MAGI2: variants seen among roughly 807,000 people sequenced by gnomAD.
The protein encoded by MAGI2 is membrane associated guanylate kinase, WW and PDZ domain containing 2.
MAGI2 carries 35 observed loss-of-function variants against 133.3 expected under a neutral mutation model. The ratio of observed to expected loss-of-function variants is 0.26; its 90% CI spans 0.20 to 0.35. The LOEUF is 0.35. Ranked by LOEUF, MAGI2 falls within the 10% of genes least tolerant of loss-of-function variation. MAGI2 has a pLI of 1.00. For missense variants in MAGI2, 1,636 were observed against 1,863.4 expected, an observed-to-expected ratio of 0.88 and a Z score of 2.25; for synonymous variants, 729 against 710.6, an observed-to-expected ratio of 1.03 and a Z score of -0.41.
chr7:79,090,375 G>A (rs1051365240), intron 1 of MAGI2, among the ~76,000 whole-genome samples: 18 of 151,988 alleles, frequency 1.2e-4, no homozygotes, highest in African/African-American at 3.1e-4. Flanking sequence ...ACCATAATTT[G>A]TAACTGGAAA....
At chr7:79,070,262 C>A (rs1359556583) in intron 1 of MAGI2, among the ~76,000 whole-genome samples, 1 of 151,974 alleles carries the variant, frequency 6.6e-6, no homozygotes, top group African/African-American at 2.4e-5. Flanking sequence ...TACATTTTGC[C>A]TTTTCACATA....
intron 2 of MAGI2, among the ~76,000 whole-genome samples, chr7:78,724,908 G>A (rs1295266820): frequency 1.3e-5 from 2 of 152,184 alleles, no homozygotes; most frequent in African/African-American, 2.4e-5. Context: ...GCCAATTGGA[G>A]AGAAGCGCTC....
intron 1 of MAGI2, among the ~76,000 whole-genome samples, chr7:79,364,587 G>C (rs1842575265): frequency 6.6e-6 from 1 of 151,976 alleles, no homozygotes; most frequent in Non-Finnish European, 1.5e-5. Flanking sequence ...TGGGTGAAGA[G>C]ATAGACATAT....
intron 4 of MAGI2, among the ~76,000 whole-genome samples, chr7:78,520,825 T>A (rs1162186454): frequency 6.6e-6 from 1 of 152,210 alleles, no homozygotes; most frequent in South Asian, 2.1e-4. Context: ...TTATTTTGCT[T>A]GTACAAGGTA....
At chr7:78,869,384 T>C (rs867497306) in intron 2 of MAGI2, among the ~76,000 whole-genome samples, 2 of 152,330 alleles carry the variant, frequency 1.3e-5, no homozygotes, top group Middle Eastern at 3.4e-3. Flanking sequence ...TTGATCCATC[T>C]TAAGTTGATT....
chr7:79,158,577 G>A (rs548990663), intron 1 of MAGI2, among the ~76,000 whole-genome samples: 4 of 151,942 alleles, frequency 2.6e-5, no homozygotes, highest in Non-Finnish European at 4.4e-5. Context: ...AAGCCCATCC[G>A]AAAACAGAAT....
intron 2 of MAGI2, among the ~76,000 whole-genome samples, chr7:78,861,209 C>T (rs190936412): frequency 1.2e-4 from 19 of 152,244 alleles, no homozygotes; most frequent in South Asian, 2.1e-4. Context: ...GGCGATGCCC[C>T]GCCCTGCTCT....
intron 10 of MAGI2, among the ~76,000 whole-genome samples, chr7:78,235,025 T>C (rs865861207): frequency 1.3e-5 from 2 of 152,216 alleles, no homozygotes; most frequent in African/African-American, 4.8e-5. Flanking sequence ...GAGACTTACT[T>C]GGCAAATTTA....
At chr7:78,130,653 G>C (rs188987384) in intron 18 of MAGI2, among the ~76,000 whole-genome samples, 119 of 152,340 alleles carry the variant, frequency 7.8e-4, no homozygotes, top group African/African-American at 2.8e-3. Flanking sequence ...CCGAGTGGCA[G>C]TAAAGGGCCC....
chr7:78,732,260 A>G (rs1465623054), intron 2 of MAGI2, among the ~76,000 whole-genome samples: 1 of 152,090 alleles, frequency 6.6e-6, no homozygotes, highest in Non-Finnish European at 1.5e-5. Flanking sequence ...AATGGCCTAT[A>G]TTTCATCACC....
rs574085103 is a variant in MAGI2, at chr7:79,198,623, C to T, written c.302-191417G>A. Among the ~76,000 whole-genome samples, 86 of 152,132 alleles carry T rather than the reference C, an allele frequency of 5.7e-4. 1 individual carries two copies. Among genetic ancestry groups the T allele is most frequent in the African/African-American group, 1.8e-3 (75 of 41,442 alleles). On this transcript the variant is annotated intron_variant, in intron 1 of 21. Transcript: ENST00000354212. ...GTAAGAGGTAGGCCGGGCGCAGTGG[C>T]TCATGCCTGTAATCCCAGCACTTTG...
chr7:78,800,858 A>G (rs988228952), intron 2 of MAGI2, among the ~76,000 whole-genome samples: 1 of 152,110 alleles, frequency 6.6e-6, no homozygotes, highest in Non-Finnish European at 1.5e-5. Flanking sequence ...TCAGGTTCCA[A>G]GTGAAACAAT....
At chr7:79,216,928 C>A (rs1428267764) in intron 1 of MAGI2, among the ~76,000 whole-genome samples, 1 of 152,022 alleles carries the variant, frequency 6.6e-6, no homozygotes, top group African/African-American at 2.4e-5. Flanking sequence ...TAGTCATTAA[C>A]TTCTAATTCT....
chr7:78,074,863 C>T (rs1384361096), intron 21 of MAGI2, among the ~76,000 whole-genome samples: 2 of 152,176 alleles, frequency 1.3e-5, no homozygotes, highest in African/African-American at 4.8e-5. Context: ...ATAGATGTGG[C>T]CACTTCTCTG....
intron 2 of MAGI2, among the ~76,000 whole-genome samples, chr7:78,678,438 G>A (rs1395303335): frequency 6.6e-6 from 1 of 152,036 alleles, no homozygotes; most frequent in Non-Finnish European, 1.5e-5. Context: ...TTTGGAGAGG[G>A]ACTCTACTCA....
intron 1 of MAGI2, among the ~76,000 whole-genome samples, chr7:79,096,293 G>A (rs1817505467): frequency 6.6e-6 from 1 of 152,160 alleles, no homozygotes; most frequent in Admixed American, 6.5e-5. Flanking sequence ...AGTTTTGGCA[G>A]TAGGTGTGTT....
At chr7:78,769,100 A>T (rs1045656206) in intron 2 of MAGI2, among the ~76,000 whole-genome samples, 2 of 152,172 alleles carry the variant, frequency 1.3e-5, no homozygotes, top group African/African-American at 4.8e-5. Flanking sequence ...TAATAAGCAC[A>T]TGTGTAGTAC....
intron 1 of MAGI2, among the ~76,000 whole-genome samples, chr7:79,164,029 C>T (rs1004380441): frequency 6.6e-6 from 1 of 151,992 alleles, no homozygotes; most frequent in African/African-American, 2.4e-5. Context: ...ATCCAAATTG[C>T]TGCTGTTTAA....
chr7:78,762,710 C>G (rs566098957), intron 2 of MAGI2, among the ~76,000 whole-genome samples: 5 of 152,214 alleles, frequency 3.3e-5, no homozygotes, highest in African/African-American at 1.2e-4. Context: ...AGAATTGTAA[C>G]TAGAAAAGCA....
Sources: gnomAD v4.1 joint callset for allele counts (sites outside exome capture counted in the v4.1 genomes callset) on GRCh38, gnomAD v4.1.1 for gene constraint, MANE v1.5 for transcripts, NCBI Gene and HGNC (gene_info 2026-07-23, HGNC 2026-07-21) for gene names.